URB1: variants seen among roughly 807,000 people sequenced by gnomAD.
URB1 encodes URB1 ribosome biogenesis factor.
In URB1, 197 loss-of-function variants were observed where a neutral mutation model predicts 242.3. The ratio of observed to expected loss-of-function variants is 0.81; its 90% CI spans 0.72 to 0.91. The LOEUF (loss-of-function observed/expected upper bound fraction) is 0.91. URB1 is among the 40% of genes least tolerant of loss of function. The pLI is 0.00. For synonymous variants in URB1, 1,153 were observed against 1,201.8 expected (o/e 0.96, Z 0.84); for missense variants, 2,721 against 2,860.5 (o/e 0.95, Z 1.11).
chr21:32,322,124 T>C (rs1017554956), intron 33 of URB1, among the ~76,000 whole-genome samples, 180 bp from the exon 34 acceptor site: 1 of 152,162 alleles, frequency 6.6e-6, no homozygotes, highest in African/African-American at 2.4e-5. Context: ...AGGTCAGAAA[T>C]AGAGGATCGA....
At position 32,321,882 on chromosome 21, in the gene URB1, G is replaced by C; in HGVS notation, c.5403C>G (p.Cys1801Trp). Residue 1801 changes from cysteine to tryptophan, a missense_variant, in exon 34 of 39, where the codon TGC (cysteine) becomes TGG (tryptophan). By Grantham distance (215) the Cys-to-Trp change is radical. Coordinates refer to ENST00000382751, the MANE Select transcript of URB1 (RefSeq NM_014825.3). ...TGCCACGCCGGGCACACAGTTCGTA[G>C]CACTGCTTGTCACGGATCCCCTGCC... ...VLRQGIRDKQCYELCARRGIF... is the reference protein window; with the variant it reads ...VLRQGIRDKQWYELCARRGIF... 6.4e-7 allele frequency: 1 copy of C among 1,551,700 alleles called. No homozygotes were observed. Among genetic ancestry groups the C allele is most frequent in the Non-Finnish European group, 8.7e-7 (1 of 1,146,990 alleles).
intron 15 of URB1, 44 bp from the exon 16 acceptor site, chr21:32,355,609 GCTTT>G (rs1448310847): frequency 1.4e-6 from 2 of 1,466,118 alleles, no homozygotes; most frequent in East Asian, 2.5e-5. Flanking sequence ...AACAGAACGC[GCTTT>G]CTTTCTTTTC....
In URB1 at chr21:32,321,959, C is replaced by A; in HGVS notation, c.5341-15G>T. On this transcript the variant is annotated splice_polypyrimidine_tract_variant and intron_variant, in intron 33 of 38. Transcript: ENST00000382751. ...TCTGTTTTTTGCTATAACCCAGGCA[C>A]ACAAAAAACTGTTGTTAATAAGTGA... 6.5e-7 allele frequency: 1 copy of A among 1,549,516 alleles called. No individual in the cohort carries two copies. Among genetic ancestry groups the A allele is most frequent in the Non-Finnish European group, 8.7e-7 (1 of 1,145,968 alleles).
At chr21:32,375,529 A>C (rs768219265) in intron 5 of URB1, 46 bp from the exon 6 acceptor site, 38 of 1,178,412 alleles carry the variant, frequency 3.2e-5, no homozygotes, top group Middle Eastern at 1.9e-4. Flanking sequence ...ATATTTTGAA[A>C]ATGAGAATAG....
chr21:32,317,651 G>A (rs2123539637), intron 37 of URB1, 25 bp downstream of exon 37: 1 of 1,550,034 alleles, frequency 6.5e-7, no homozygotes, highest in Non-Finnish European at 8.7e-7. Flanking sequence ...GCTACTCTGG[G>A]CCAGTCCTGG....
At position 32,317,559 on chromosome 21, in the gene URB1, T is replaced by C. The variant is rs1345116144; in HGVS notation, c.6034+117A>G. Reference sequence around the variant, plus strand: ...AGGGCTCCAAGATGGATGTGTCCCATCTCTGAGCCTCATTAGCTTTGGAAA... The same window carrying C: ...AGGGCTCCAAGATGGATGTGTCCCACCTCTGAGCCTCATTAGCTTTGGAAA... On this transcript the variant is annotated intron_variant, in intron 37 of 38. Transcript: ENST00000382751. 7.7e-6 allele frequency: 11 copies of C among 1,433,778 alleles called. No individual in the cohort carries two copies. The South Asian group carries it at 1.4e-4, about 18-fold the overall frequency. The allele number at this position is 1,433,778 out of a possible 1,614,324, so 88.8% of individuals were successfully genotyped here. A position where few individuals can be genotyped will look rare whatever the true frequency, so the allele number is the denominator to read the frequency against.
intron 30 of URB1, among the ~76,000 whole-genome samples, chr21:32,326,495 G>A (rs1668641618): frequency 6.6e-6 from 1 of 152,216 alleles, no homozygotes; most frequent in Non-Finnish European, 1.5e-5. Context: ...GCTGAAAAAT[G>A]CATTGGATGG....
rs1369548910 is a variant in URB1, at chr21:32,316,851, G to C, written c.6249C>G (p.Ala2083=). The C allele has an allele frequency of 6.5e-7, 1 of 1,550,096 alleles. No homozygotes were observed. The highest frequency in any genetic ancestry group is 8.7e-7 in the Non-Finnish European group (1 of 1,146,062). Residue 2083 remains alanine, a synonymous_variant, in exon 38 of 39, where the codon GCC becomes GCG. Coordinates refer to ENST00000382751, the MANE Select transcript of URB1 (RefSeq NM_014825.3). The part of the protein sequence containing the change: ...PDPTQEPVDS[A]SPESDAPGPV... ...GGCCTGGCGCATCGCTCTCGGGGCT[G>C]GCTGAGTCCACAGGCTCCTGAGTGG... is the stretch of plus-strand genomic sequence containing the variant.
chr21:32,383,656 C>T, intron 3 of URB1, 102 bp from the exon 4 acceptor site: 1 of 1,256,016 alleles, frequency 8.0e-7, no homozygotes, highest in Non-Finnish European at 1.0e-6. Flanking sequence ...TATTTGCTAT[C>T]CCCAAACCAG....
At chr21:32,386,213 A>T (rs1169779689) in intron 1 of URB1, among the ~76,000 whole-genome samples, 1 of 152,026 alleles carries the variant, frequency 6.6e-6, no homozygotes, top group African/African-American at 2.4e-5. Flanking sequence ...TTGGAGATAT[A>T]GTCTTTTAGG....
chr21:32,347,975 G>A (rs1413261976), intron 21 of URB1, among the ~76,000 whole-genome samples, 164 bp from the exon 22 acceptor site: 2 of 152,188 alleles, frequency 1.3e-5, no homozygotes, highest in East Asian at 1.9e-4. Flanking sequence ...CCCCCTCGGG[G>A]TGCCCAAGGC....
intron 27 of URB1, 21 bp from the exon 28 acceptor site, chr21:32,337,178 G>A (rs759360489): frequency 6.7e-5 from 104 of 1,551,348 alleles, no homozygotes; most frequent in Non-Finnish European, 8.2e-5. Flanking sequence ...AAGCAGGATC[G>A]GTTTAGGAAG....
At chr21:32,386,848 T>G (rs2033588682) in intron 1 of URB1, among the ~76,000 whole-genome samples, 1 of 152,100 alleles carries the variant, frequency 6.6e-6, no homozygotes, top group African/African-American at 2.4e-5. Context: ...GGTACACAGC[T>G]TAGGAGAGGT....
Position 32,316,063 on chromosome 21 carries a change from G to A in URB1, c.6634+403C>T, listed in dbSNP as rs144289173. Among the ~76,000 whole-genome samples, 132 of 152,318 alleles carry A rather than the reference G, an allele frequency of 8.7e-4. No individual in the cohort carries two copies. In the Middle Eastern group the frequency reaches 0.024, roughly 28 times the overall value. On this transcript the variant is annotated intron_variant, in intron 38 of 38. Coordinates refer to ENST00000382751, the MANE Select transcript of URB1 (RefSeq NM_014825.3). The stretch of plus-strand genomic sequence containing the variant: ...TGAAGCTCTATGTGCACACACACGC[G>A]CATGCACATGCACATGCGCACACAT...
chr21:32,357,754 G>A (rs1468637605), intron 14 of URB1, 98 bp from the exon 15 acceptor site: 5 of 992,174 alleles, frequency 5.0e-6, no homozygotes, highest in Middle Eastern at 4.2e-4. Context: ...GGGGCCAGGC[G>A]TGGTGGCTTA....
Position 32,341,797 on chromosome 21 carries a change from G to A in URB1, c.4258-273C>T, listed in dbSNP as rs374684300. Among the ~76,000 whole-genome samples the A allele has an allele frequency of 1.8e-4, 27 of 152,264 alleles. No individual in the cohort carries two copies. In the East Asian group the frequency reaches 1.9e-3, roughly 11 times the overall value. On this transcript the variant is annotated intron_variant, in intron 24 of 38. Coordinates refer to ENST00000382751, the MANE Select transcript of URB1 (RefSeq NM_014825.3). ...TAGGCATACAAATTTATTAATGTGC[G>A]TGGGAAAAATCACTGAGCAGTTACT...
At chr21:32,329,106 C>A (rs1232236273) in intron 30 of URB1, among the ~76,000 whole-genome samples, 3 of 147,658 alleles carry the variant, frequency 2.0e-5, no homozygotes, top group African/African-American at 2.5e-5. Context: ...CAGTCTCTAC[C>A]AAAAAAAAAA....
chr21:32,377,804 G>T (rs1317383395), intron 5 of URB1, among the ~76,000 whole-genome samples: 2 of 152,146 alleles, frequency 1.3e-5, no homozygotes, highest in Non-Finnish European at 2.9e-5. Flanking sequence ...CAGAGTTCCG[G>T]CCAGGACATG....
intron 5 of URB1, among the ~76,000 whole-genome samples, chr21:32,376,332 G>C (rs77040789): frequency 0.02 from 2,975 of 152,180 alleles, 40 homozygotes; most frequent in Middle Eastern, 0.037. Flanking sequence ...AGTGACAGTG[G>C]GCAGAAGCAG....
Sources: allele counts gnomAD v4.1 joint callset (sites outside exome capture counted in the v4.1 genomes callset), GRCh38; gene constraint gnomAD v4.1.1; transcripts MANE v1.5; gene names NCBI Gene and HGNC (gene_info 2026-07-23, HGNC 2026-07-21).